KCNAB1: variants seen among roughly 807,000 people sequenced by gnomAD.
KCNAB1 encodes the protein potassium voltage-gated channel subfamily A regulatory beta subunit 1.
In KCNAB1, 35 loss-of-function variants were observed where a neutral mutation model predicts 64.6. The ratio of observed to expected loss-of-function variants is 0.54; its 90% CI spans 0.41 to 0.72. The LOEUF (loss-of-function observed/expected upper bound fraction) is 0.72. Ranked by LOEUF, KCNAB1 falls within the 30% of genes least tolerant of loss-of-function variation. The pLI, the probability that KCNAB1 is intolerant of heterozygous loss-of-function variation, is 0.00. For missense variants in KCNAB1, 401 were observed against 512.9 expected (o/e 0.78, Z 2.11); for synonymous variants, 177 against 183.8 (o/e 0.96, Z 0.30).
At chr3:156,129,050 A>G (rs1713831442) in intron 1 of KCNAB1, among the ~76,000 whole-genome samples, 1 of 150,932 alleles carries the variant, frequency 6.6e-6, no homozygotes, top group Non-Finnish European at 1.5e-5. Context: ...GGGCTTTTAT[A>G]GTCGTTCTGT....
chr3:156,406,164 A>G (rs1381988722), intron 1 of KCNAB1, among the ~76,000 whole-genome samples: 1 of 152,250 alleles, frequency 6.6e-6, no homozygotes, highest in African/African-American at 2.4e-5. Flanking sequence ...AGCAATATTT[A>G]TAAAATTGAA....
intron 1 of KCNAB1, among the ~76,000 whole-genome samples, chr3:156,211,920 T>C (rs760389046): frequency 1.3e-5 from 2 of 151,684 alleles, no homozygotes; most frequent in Non-Finnish European, 2.9e-5. Context: ...GGAGGAAGAG[T>C]TTGGGCTCTC....
intron 2 of KCNAB1, among the ~76,000 whole-genome samples, chr3:156,425,555 A>G (rs1011281921): frequency 6.6e-6 from 1 of 152,198 alleles, no homozygotes; most frequent in Admixed American, 6.5e-5. Context: ...ACTCATGGGA[A>G]AGGAATAAAC....
Position 156,202,699 on chromosome 3 carries a change from T to C in KCNAB1, c.275+81813T>C, listed in dbSNP as rs1036052425. Among the ~76,000 whole-genome samples, 18 of 152,332 alleles carry C rather than the reference T, an allele frequency of 1.2e-4. 1 individual carries two copies. The highest frequency in any genetic ancestry group is 4.3e-4 in the African/African-American group (18 of 41,570). On this transcript the variant is annotated intron_variant, in intron 1 of 13. Transcript: ENST00000490337. ...TATAATGTCAACAGTTTTTTGGTCATAGATATTGTCTGTCATGTTAAGGTA... is the reference window on the plus strand; with the variant it reads ...TATAATGTCAACAGTTTTTTGGTCACAGATATTGTCTGTCATGTTAAGGTA...
At chr3:156,512,067 T>C (rs1023497014) in intron 8 of KCNAB1, among the ~76,000 whole-genome samples, 1 of 152,248 alleles carries the variant, frequency 6.6e-6, no homozygotes, top group Admixed American at 6.5e-5. Flanking sequence ...CTGCACTAAA[T>C]ATGTCTTCTC....
At chr3:156,420,191 T>C (rs1715374312) in intron 1 of KCNAB1, among the ~76,000 whole-genome samples, 1 of 152,204 alleles carries the variant, frequency 6.6e-6, no homozygotes, top group Non-Finnish European at 1.5e-5. Context: ...TATAACACTT[T>C]AGCACACATT....
chr3:156,124,117 C>A (rs1395921084), intron 1 of KCNAB1, among the ~76,000 whole-genome samples: 1 of 151,686 alleles, frequency 6.6e-6, no homozygotes, highest in Non-Finnish European at 1.5e-5. Flanking sequence ...CTTTTATATA[C>A]TATTTATCAT....
At position 156,133,875 on chromosome 3, in the gene KCNAB1, T is replaced by C. The variant is rs150959083; in HGVS notation, c.275+12989T>C. The stretch of plus-strand genomic sequence containing the variant: ...GAAATGGCTGAGGGAAAGAAACATG[T>C]AATCGGCAGCTTCAGAACAAATTCG... On this transcript the variant is annotated intron_variant, in intron 1 of 13. Transcript: ENST00000490337. Among the ~76,000 whole-genome samples, 165 of 151,786 alleles carry C rather than the reference T, an allele frequency of 1.1e-3. 1 individual carries two copies. The highest frequency in any genetic ancestry group is 3.9e-3 in the African/African-American group (161 of 41,418).
chr3:156,279,748 G>A (rs549294662), intron 1 of KCNAB1, among the ~76,000 whole-genome samples: 2,728 of 152,128 alleles, frequency 0.018, 91 homozygotes, highest in African/African-American at 0.062. Flanking sequence ...TTTGTTTTTT[G>A]GCTGCATAAA....
chr3:156,405,980 GT>G (rs1316218608), intron 1 of KCNAB1, among the ~76,000 whole-genome samples: 1 of 152,096 alleles, frequency 6.6e-6, no homozygotes, highest in East Asian at 1.9e-4. Flanking sequence ...GAAAAGAACA[GT>G]TTTTTTGTAA....
At chr3:156,300,552 T>C (rs1034167660) in intron 1 of KCNAB1, among the ~76,000 whole-genome samples, 3 of 152,228 alleles carry the variant, frequency 2.0e-5, no homozygotes, top group African/African-American at 7.2e-5. Flanking sequence ...ATAGCAAGAT[T>C]GGCTAATAAC....
At chr3:156,232,664 C>G (rs576695693) in intron 1 of KCNAB1, among the ~76,000 whole-genome samples, 4 of 152,206 alleles carry the variant, frequency 2.6e-5, no homozygotes, top group African/African-American at 7.2e-5. Context: ...GGTGGTTTTT[C>G]ACTCCAAAGT....
At chr3:156,464,599 C>A (rs1360227163) in intron 6 of KCNAB1, among the ~76,000 whole-genome samples, 3 of 151,892 alleles carry the variant, frequency 2.0e-5, no homozygotes, top group African/African-American at 7.3e-5. Context: ...GAGGCAGAGG[C>A]CAATTCTTCT....
At position 156,335,394 on chromosome 3, in the gene KCNAB1, A is replaced by G. The variant is rs572296481; in HGVS notation, c.276-86222A>G. On this transcript the variant is annotated intron_variant, in intron 1 of 13. Transcript: ENST00000490337. ...CTTTGAGTCACCACTTTATACATAC[A>G]CCAATCACGACACCAGCTGACACCT... 3.3e-5 allele frequency among the ~76,000 whole-genome samples: 5 copies of G among 152,142 alleles called. No homozygotes were observed. In the South Asian group the frequency reaches 1.0e-3, roughly 32 times the overall value.
chr3:156,164,566 G>A (rs1716259298), intron 1 of KCNAB1, among the ~76,000 whole-genome samples: 1 of 152,184 alleles, frequency 6.6e-6, no homozygotes, highest in East Asian at 1.9e-4. Context: ...TATTTGCCCA[G>A]AAGAAAGGCA....
intron 1 of KCNAB1, among the ~76,000 whole-genome samples, chr3:156,286,044 C>T (rs566826186): frequency 6.6e-6 from 1 of 152,140 alleles, no homozygotes; most frequent in Non-Finnish European, 1.5e-5. Flanking sequence ...ATTAAGCCTG[C>T]CTTCAGAGTT....
chr3:156,321,960 G>A (rs1286581511), intron 1 of KCNAB1, among the ~76,000 whole-genome samples: 2 of 152,250 alleles, frequency 1.3e-5, no homozygotes, highest in South Asian at 2.1e-4. Flanking sequence ...AAATAGGAAG[G>A]CTCCACACTA....
At chr3:156,137,333 G>A (rs1243910290) in intron 1 of KCNAB1, among the ~76,000 whole-genome samples, 1 of 152,092 alleles carries the variant, frequency 6.6e-6, no homozygotes, top group Non-Finnish European at 1.5e-5. Flanking sequence ...GGTCTAGGGA[G>A]AAGGAGCTAA....
chr3:156,408,703 C>G (rs746950413), intron 1 of KCNAB1, among the ~76,000 whole-genome samples: 2 of 151,982 alleles, frequency 1.3e-5, no homozygotes, highest in Non-Finnish European at 2.9e-5. Flanking sequence ...TCACTTGAAC[C>G]TGGGAGACAG....
Sources: allele counts gnomAD v4.1 joint callset (sites outside exome capture counted in the v4.1 genomes callset), GRCh38; gene constraint gnomAD v4.1.1; transcripts MANE v1.5; gene names NCBI Gene and HGNC (gene_info 2026-07-23, HGNC 2026-07-21).